IL7: variants seen among roughly 807,000 people sequenced by gnomAD.
IL7 encodes interleukin-7.
Under a neutral mutation model 21.6 loss-of-function variants are expected in IL7, and 3 were observed. The ratio of observed to expected loss-of-function variants is 0.14; its 90% CI spans 0.06 to 0.36. The LOEUF is 0.36. Ranked by LOEUF, IL7 falls within the 10% of genes least tolerant of loss-of-function variation. The probability of loss-of-function intolerance (pLI) is 1.00; values close to 1 mark genes in which losing one functional copy is unlikely to be tolerated. For synonymous variants in IL7, 62 were observed against 68.1 expected, an observed-to-expected ratio of 0.91 and a Z score of 0.44; for missense variants, 175 against 200.2, an observed-to-expected ratio of 0.87 and a Z score of 0.76.
intron 5 of IL7, among the ~76,000 whole-genome samples, chr8:78,735,291 T>TG (rs1811546262): frequency 8.1e-6 from 1 of 123,228 alleles, no homozygotes; most frequent in African/African-American, 3.5e-5. Context: ...TTTTTTTTTT[T>TG]TGTTTTTTTT....
At chr8:78,714,243 T>C (rs1274466270), downstream of IL7, among the ~76,000 whole-genome samples, 2 of 152,170 alleles carry the variant, frequency 1.3e-5, no homozygotes, top group East Asian at 3.8e-4. Context: ...AGGGGCTCTT[T>C]ACCTCATTTG....
intron 3 of IL7, among the ~76,000 whole-genome samples, chr8:78,700,979 A>G (rs1810583767): frequency 6.6e-6 from 1 of 152,062 alleles, no homozygotes; most frequent in Non-Finnish European, 1.5e-5. Context: ...AGTTTGACTC[A>G]TTTTTTATTC....
Position 78,689,335 on chromosome 8 carries a change from A to G in IL7, n.215-3388T>C, listed in dbSNP as rs17850447. On this transcript the variant is annotated intron_variant and non_coding_transcript_variant, in intron 3 of 4. Transcript: ENST00000523959. The stretch of plus-strand genomic sequence containing the variant: ...TATTAGTAATAAAGGGAAATTTTCT[A>G]CAGATACCAAAGGAAAACCAACTTC... 8 of 1,601,612 alleles carry G rather than the reference A, an allele frequency of 5.0e-6. No homozygotes were observed. In the South Asian group the frequency reaches 5.6e-5, roughly 11 times the overall value.
At chr8:78,760,495 A>C in intron 2 of IL7, 1 of 1,539,148 alleles carries the variant, frequency 6.5e-7, no homozygotes, top group Non-Finnish European at 8.7e-7. Context: ...TGATTCCCCA[A>C]CAATGAAGCT....
At chr8:78,780,669 AGTAAG>A (rs1376344645) in intron 2 of IL7, among the ~76,000 whole-genome samples, 2 of 152,188 alleles carry the variant, frequency 1.3e-5, no homozygotes, top group African/African-American at 2.4e-5. Flanking sequence ...TTGATTTTAC[AGTAAG>A]TGCCATGTGG....
intron 2 of IL7, among the ~76,000 whole-genome samples, chr8:78,791,973 C>A (rs536771727): frequency 1.3e-5 from 2 of 152,024 alleles, no homozygotes; most frequent in African/African-American, 4.8e-5. Flanking sequence ...TAAATATCAG[C>A]AATTTCATCA....
At chr8:78,742,869 C>A (rs1811841103) in intron 2 of IL7, among the ~76,000 whole-genome samples, 1 of 152,104 alleles carries the variant, frequency 6.6e-6, no homozygotes, top group Non-Finnish European at 1.5e-5. Flanking sequence ...TTTTGATCCT[C>A]TCCCTCTTCC....
chr8:78,798,234 A>C lies in IL7; in HGVS notation c.11-26T>G. On this transcript the variant is annotated intron_variant, in intron 1 of 5. Coordinates refer to ENST00000263851, the MANE Select transcript of IL7 (RefSeq NM_000880.4). Reference sequence around the variant, plus strand: ...CTAAATTTGACAGTAAATAAGAATGAGCTAAATGTTATATCGTATTGCATT... The same window carrying C: ...CTAAATTTGACAGTAAATAAGAATGCGCTAAATGTTATATCGTATTGCATT... 4 of 1,561,032 alleles carry C rather than the reference A, an allele frequency of 2.6e-6. No individual in the cohort carries two copies. In the South Asian group the frequency reaches 3.4e-5, roughly 13 times the overall value.
At chr8:78,691,467 T>C (rs1212742669) in intron 3 of IL7, among the ~76,000 whole-genome samples, 1 of 152,126 alleles carries the variant, frequency 6.6e-6, no homozygotes, top group Non-Finnish European at 1.5e-5. Context: ...CTATTCCTTA[T>C]ATATGTGTTT....
intron 2 of IL7, among the ~76,000 whole-genome samples, chr8:78,785,172 T>A (rs190177920): frequency 1.3e-5 from 2 of 152,268 alleles, no homozygotes; most frequent in Admixed American, 1.3e-4. Flanking sequence ...GTAACAATCA[T>A]GTTGAATCAA....
intron 5 of IL7, chr8:78,719,416 A>G (rs1378034883): frequency 6.6e-6 from 1 of 151,766 alleles, no homozygotes; most frequent in African/African-American, 2.4e-5. Context: ...AGTAGGTGAA[A>G]TAGATTTATG....
At chr8:78,718,830 T>A (rs1202060637) in intron 6 of IL7, 1 of 151,792 alleles carries the variant, frequency 6.6e-6, no homozygotes, top group Non-Finnish European at 1.5e-5. Context: ...GCTTTGATCT[T>A]ACTGTAAAGG....
chr8:78,705,724 G>C (rs1810752043), intron 3 of IL7, among the ~76,000 whole-genome samples: 1 of 152,188 alleles, frequency 6.6e-6, no homozygotes, highest in South Asian at 2.1e-4. Context: ...CACCCTGTGG[G>C]AGTTCTATCC....
intron 5 of IL7, among the ~76,000 whole-genome samples, chr8:78,735,463 C>G (rs1207706630): frequency 6.6e-6 from 1 of 151,714 alleles, no homozygotes; most frequent in Non-Finnish European, 1.5e-5. Context: ...CAGGCGTGCA[C>G]CACGCCCAGC....
In IL7 at chr8:78,740,008, A is replaced by G. The variant is rs748678644; in HGVS notation, c.222T>C (p.Ala74=). 1 of 1,529,430 alleles carries G rather than the reference A, an allele frequency of 6.5e-7. No homozygotes were observed. Among genetic ancestry groups the G allele is most frequent in the South Asian group, 1.3e-5 (1 of 76,112 alleles). The allele number at this position is 1,529,430 out of a possible 1,614,324, so 94.7% of individuals were successfully genotyped here. Residue 74 remains alanine (A), a synonymous_variant, in exon 3 of 6, where the codon GCT becomes GCC. Transcript: ENST00000263851. ...FNFFKRHICD[A]NKEGMFLFRA... is the part of the protein sequence containing the mutation. ...TCCAAATAATTATCATTACCTTATT[A>G]GCATCACAGATATGTCTTTTAAAAA...
chr8:78,689,107 G>T (rs1325770558), intron 3 of IL7: 2 of 667,812 alleles, frequency 3.0e-6, no homozygotes, highest in Admixed American at 8.9e-5. Flanking sequence ...GGGAATTTTT[G>T]CTTATCAGAT....
intron 5 of IL7, among the ~76,000 whole-genome samples, chr8:78,720,366 T>C (rs1030505337): frequency 6.6e-6 from 1 of 151,880 alleles, no homozygotes; most frequent in Non-Finnish European, 1.5e-5. Flanking sequence ...TTCAAATGAC[T>C]ATATTATTAA....
At chr8:78,758,505 G>T (rs1026603115) in intron 2 of IL7, among the ~76,000 whole-genome samples, 2 of 151,886 alleles carry the variant, frequency 1.3e-5, no homozygotes, top group Middle Eastern at 3.4e-3. Context: ...TATAGATGTT[G>T]TACTCCCTGA....
chr8:78,757,593 A>C (rs1812391016), intron 2 of IL7, among the ~76,000 whole-genome samples: 1 of 151,928 alleles, frequency 6.6e-6, no homozygotes, highest in Admixed American at 6.6e-5. Context: ...ATATATTTAC[A>C]ATTGTTATAT....
Sources: gnomAD v4.1 joint callset for allele counts (sites outside exome capture counted in the v4.1 genomes callset) on GRCh38, gnomAD v4.1.1 for gene constraint, MANE v1.5 for transcripts, NCBI Gene and HGNC (gene_info 2026-07-23, HGNC 2026-07-21) for gene names.